MGAT4C: variants seen among roughly 807,000 people sequenced by gnomAD.
MGAT4C encodes the protein alpha-1,3-mannosyl-glycoprotein 4-beta-N-acetylglucosaminyltransferase C.
In MGAT4C, 19 loss-of-function variants were observed where a neutral mutation model predicts 40.1. The ratio of observed to expected loss-of-function variants is 0.47; its 90% CI spans 0.33 to 0.70. MGAT4C has a LOEUF of 0.70. Among genes scored for constraint, MGAT4C ranks in the 30% least tolerant of loss-of-function variants. The pLI is 0.02. For synonymous variants in MGAT4C, 181 were observed against 187.1 expected, an observed-to-expected ratio of 0.97 and a Z score of 0.27; for missense variants, 491 against 563.2, an observed-to-expected ratio of 0.87 and a Z score of 1.30.
rs572410642 is a variant in MGAT4C, at chr12:86,523,218, T to C, written c.-228-87953A>G. Among the ~76,000 whole-genome samples the C allele has an allele frequency of 1.3e-4, 20 of 152,248 alleles. No homozygotes were observed. In the South Asian group the frequency reaches 4.1e-3, roughly 32 times the overall value. On this transcript the variant is annotated intron_variant, in intron 2 of 7. Transcript: ENST00000548651. ...TTGAGATCTTTCTAACTTTTTGATG[T>C]TGGCATTCGGTGCTATAAATTTCCC...
chr12:86,571,578 CTT>C (rs921983164), intron 2 of MGAT4C, among the ~76,000 whole-genome samples: 4 of 151,880 alleles, frequency 2.6e-5, no homozygotes, highest in African/African-American at 9.7e-5. Flanking sequence ...AGGGGATACT[CTT>C]TATGAATACA....
chr12:86,225,265 G>T (rs1951031588), intron 1 of MGAT4C, among the ~76,000 whole-genome samples: 2 of 152,030 alleles, frequency 1.3e-5, no homozygotes, highest in African/African-American at 4.8e-5. Context: ...AACCTGAACA[G>T]ATTCACAGCA....
chr12:86,282,278 C>A (rs941326768), intron 4 of MGAT4C, among the ~76,000 whole-genome samples: 1 of 152,040 alleles, frequency 6.6e-6, no homozygotes, highest in African/African-American at 2.4e-5. Context: ...TTTTTCTCTA[C>A]GGATTACTTT....
At chr12:86,415,858 T>C (rs1956700333) in intron 3 of MGAT4C, among the ~76,000 whole-genome samples, 1 of 152,030 alleles carries the variant, frequency 6.6e-6, no homozygotes, top group Admixed American at 6.6e-5. Context: ...GTAGCAAATG[T>C]TGATCATTAG....
intron 2 of MGAT4C, among the ~76,000 whole-genome samples, chr12:86,632,322 T>C (rs985182458): frequency 2.0e-5 from 3 of 152,132 alleles, no homozygotes; most frequent in Non-Finnish European, 2.9e-5. Context: ...TGTAAACTAG[T>C]TCAACCATTG....
At chr12:86,244,086 C>T (rs1462883829) in intron 1 of MGAT4C, among the ~76,000 whole-genome samples, 2 of 152,130 alleles carry the variant, frequency 1.3e-5, no homozygotes, top group Non-Finnish European at 2.9e-5. Context: ...AAGAGAAATG[C>T]TTATAAATAC....
chr12:86,140,852 T>G (rs1281051275), intron 1 of MGAT4C, among the ~76,000 whole-genome samples: 2 of 152,158 alleles, frequency 1.3e-5, no homozygotes, highest in Non-Finnish European at 2.9e-5. Flanking sequence ...TAGTTTATAT[T>G]AATTTTCATT....
chr12:86,610,545 A>G (rs1298773377), intron 2 of MGAT4C, among the ~76,000 whole-genome samples: 1 of 102,332 alleles, frequency 9.8e-6, no homozygotes, highest in Non-Finnish European at 2.0e-5. Context: ...AAAGGGCAAC[A>G]GTTTTTTTGT....
chr12:86,602,208 G>T (rs1029841706), intron 2 of MGAT4C, among the ~76,000 whole-genome samples: 1 of 151,994 alleles, frequency 6.6e-6, no homozygotes, highest in Non-Finnish European at 1.5e-5. Context: ...AGCATGAGCC[G>T]AGCACAGCCT....
At chr12:86,107,495 A>G (rs1876417704) in intron 1 of MGAT4C, among the ~76,000 whole-genome samples, 1 of 152,186 alleles carries the variant, frequency 6.6e-6, no homozygotes, top group Admixed American at 6.5e-5. Context: ...ATAAAATATA[A>G]AACGTATATG....
chr12:86,262,594 A>G (rs2136097484), intron 4 of MGAT4C, among the ~76,000 whole-genome samples: 1 of 152,174 alleles, frequency 6.6e-6, no homozygotes, highest in South Asian at 2.1e-4. Context: ...AGGTTCTTGA[A>G]AGCAGACATT....
chr12:86,458,133 T>C (rs917735047), intron 2 of MGAT4C, among the ~76,000 whole-genome samples: 3 of 152,176 alleles, frequency 2.0e-5, no homozygotes, highest in African/African-American at 7.2e-5. Context: ...TGACAATATG[T>C]CATTAGCACC....
At chr12:86,144,248 T>C (rs896291414) in intron 1 of MGAT4C, among the ~76,000 whole-genome samples, 1 of 152,258 alleles carries the variant, frequency 6.6e-6, no homozygotes, top group African/African-American at 2.4e-5. Flanking sequence ...AGCTTTAATA[T>C]GCAGTCACTG....
chr12:86,509,136 A>G (rs1296751157), intron 2 of MGAT4C, among the ~76,000 whole-genome samples: 1 of 152,168 alleles, frequency 6.6e-6, no homozygotes, highest in African/African-American at 2.4e-5. Context: ...GTCCTTGACC[A>G]TGCCTATGTC....
intron 2 of MGAT4C, among the ~76,000 whole-genome samples, chr12:86,576,929 C>A (rs148611597): frequency 6.6e-6 from 1 of 151,716 alleles, no homozygotes; most frequent in Non-Finnish European, 1.5e-5. Flanking sequence ...GACATTGTAA[C>A]GATATTGATT....
intron 1 of MGAT4C, among the ~76,000 whole-genome samples, chr12:86,797,368 T>G (rs1395461668): frequency 6.6e-6 from 1 of 151,888 alleles, no homozygotes; most frequent in Non-Finnish European, 1.5e-5. Flanking sequence ...TACTTTTTAT[T>G]GCTATTTCTA....
intron 2 of MGAT4C, among the ~76,000 whole-genome samples, chr12:86,649,898 A>G (rs1444465020): frequency 6.6e-6 from 1 of 151,904 alleles, no homozygotes; most frequent in Non-Finnish European, 1.5e-5. Flanking sequence ...CATTTAAAAC[A>G]TTTGAAAATA....
intron 2 of MGAT4C, among the ~76,000 whole-genome samples, chr12:86,648,747 G>A (rs1012147095): frequency 6.6e-6 from 1 of 151,820 alleles, no homozygotes; most frequent in Non-Finnish European, 1.5e-5. Flanking sequence ...GCTAGAACTG[G>A]CTAAGACAGC....
At chr12:86,045,332 C>T (rs1892286063) in intron 2 of MGAT4C, among the ~76,000 whole-genome samples, 1 of 152,102 alleles carries the variant, frequency 6.6e-6, no homozygotes, top group Non-Finnish European at 1.5e-5. Context: ...AAGGCTTATC[C>T]TAGTTGCCTA....
Sources: gnomAD v4.1 joint callset for allele counts (sites outside exome capture counted in the v4.1 genomes callset) on GRCh38, gnomAD v4.1.1 for gene constraint, MANE v1.5 for transcripts, NCBI Gene and HGNC (gene_info 2026-07-23, HGNC 2026-07-21) for gene names.